The following PIBF1 variants were observed in gnomAD, a reference collection of about 807,000 sequenced individuals.
PIBF1 encodes progesterone-induced-blocking factor 1.
In PIBF1, 90 loss-of-function variants were observed where a neutral mutation model predicts 112.5. The ratio of observed to expected loss-of-function variants is 0.80; its 90% CI spans 0.67 to 0.95. PIBF1 has a LOEUF of 0.95. Ranked by LOEUF, PIBF1 falls within the 40% of genes least tolerant of loss-of-function variation. PIBF1 has a pLI of 0.00. For synonymous variants in PIBF1, 301 were observed against 288.6 expected (o/e 1.04, Z -0.44); for missense variants, 915 against 852.3 (o/e 1.07, Z -0.92).
intron 5 of PIBF1, among the ~76,000 whole-genome samples, chr13:72,817,567 T>C (rs1473206736): frequency 6.6e-6 from 1 of 152,218 alleles, no homozygotes; most frequent in Non-Finnish European, 1.5e-5. Context: ...TACAGAAAAC[T>C]TCCTTAGAGT....
intron 17 of PIBF1, among the ~76,000 whole-genome samples, chr13:73,013,895 C>T (rs2044304637): frequency 6.6e-6 from 1 of 152,044 alleles, no homozygotes. Flanking sequence ...TATGAAAGAA[C>T]AAAACCACCA....
At chr13:72,809,078 T>C (rs1235893440) in intron 5 of PIBF1, among the ~76,000 whole-genome samples, 1 of 151,476 alleles carries the variant, frequency 6.6e-6, no homozygotes, top group Non-Finnish European at 1.5e-5. Context: ...TTATGGATCT[T>C]TCTTATCCAA....
At chr13:72,795,224 A>G in intron 3 of PIBF1, 135 bp from the exon 4 acceptor site, 1 of 629,406 alleles carries the variant, frequency 1.6e-6, no homozygotes, top group South Asian at 1.9e-5. Context: ...GTAAATAAGT[A>G]TTTAGCTGGA....
At chr13:72,915,045 A>G (rs1280980975) in intron 12 of PIBF1, among the ~76,000 whole-genome samples, 1 of 152,226 alleles carries the variant, frequency 6.6e-6, no homozygotes, top group Non-Finnish European at 1.5e-5. Flanking sequence ...TTTTAAAAAT[A>G]CAATATAACA....
At position 72,910,028 on chromosome 13, in the gene PIBF1, T is replaced by C. The variant is rs576275964; in HGVS notation, c.1639+1347T>C. Among the ~76,000 whole-genome samples the C allele has an allele frequency of 2.0e-5, 3 of 152,316 alleles. No homozygotes were observed. In the South Asian group the frequency reaches 6.2e-4, roughly 32 times the overall value. On this transcript the variant is annotated intron_variant, in intron 12 of 17. Coordinates refer to ENST00000326291, the MANE Select transcript of PIBF1 (RefSeq NM_006346.4). ...CCATGGCATTCTTATAAAAATGGGTTTAAACTTCAGTTGAAGTTGAATTTG... is the reference window on the plus strand; with the variant it reads ...CCATGGCATTCTTATAAAAATGGGTCTAAACTTCAGTTGAAGTTGAATTTG...
chr13:72,904,433 C>CTTTTTTTTTTT lies in PIBF1; in HGVS notation c.1489-4083_1489-4073dup, dbSNP rs71099767. On this transcript the variant is annotated intron_variant, in intron 11 of 17. Coordinates refer to ENST00000326291, the MANE Select transcript of PIBF1 (RefSeq NM_006346.4). ...ATTTATCCAAAATATCAAAATATTT[C>CTTTTTTTTTTT]TTTTTTTTTTTTTTTTTTTTTTTTT... 6.2e-3 allele frequency among the ~76,000 whole-genome samples: 225 copies of CTTTTTTTTTTT among 36,550 alleles called. 57 individuals are homozygous for CTTTTTTTTTTT. The highest frequency in any genetic ancestry group is 0.013 in the African/African-American group (112 of 8,916). 24.0% of individuals were successfully genotyped at this position (36,550 alleles called of 152,430 possible). A position where few individuals can be genotyped will look rare whatever the true frequency, so the allele number is the denominator to read the frequency against.
At chr13:72,805,475 A>G (rs746065961) in intron 5 of PIBF1, among the ~76,000 whole-genome samples, 14 of 152,132 alleles carry the variant, frequency 9.2e-5, no homozygotes, top group Non-Finnish European at 1.6e-4. Flanking sequence ...ACATGATCCA[A>G]ATTTTTCATA....
chr13:72,911,140 T>G (rs2138667960), intron 12 of PIBF1, among the ~76,000 whole-genome samples: 1 of 152,074 alleles, frequency 6.6e-6, no homozygotes, highest in African/African-American at 2.4e-5. Flanking sequence ...ATCATGCCTG[T>G]GAATACCCAC....
intron 9 of PIBF1, among the ~76,000 whole-genome samples, chr13:72,850,961 AT>A (rs2038120958): frequency 6.6e-6 from 1 of 152,206 alleles, no homozygotes; most frequent in Admixed American, 6.5e-5. Flanking sequence ...ATACTCCAGC[AT>A]TTCTGAAGAA....
chr13:72,794,586 G>A (rs765058284), intron 3 of PIBF1, among the ~76,000 whole-genome samples: 6 of 152,150 alleles, frequency 3.9e-5, no homozygotes, highest in Non-Finnish European at 8.8e-5. Flanking sequence ...TCTTTCCCAT[G>A]CTGTTCTCAT....
At chr13:72,999,067 TC>T in intron 17 of PIBF1, 72 bp downstream of exon 17, 2 of 1,031,690 alleles carry the variant, frequency 1.9e-6, no homozygotes, top group Non-Finnish European at 2.8e-6. Context: ...GTTAATTTTT[TC>T]CTTTTACATT....
At chr13:72,988,459 G>T (rs1199303609) in intron 16 of PIBF1, among the ~76,000 whole-genome samples, 1 of 152,086 alleles carries the variant, frequency 6.6e-6, no homozygotes, top group Non-Finnish European at 1.5e-5. Context: ...TGCAGTTGCA[G>T]ATATTAATAC....
chr13:72,932,189 C>T (rs1338882387), intron 14 of PIBF1, among the ~76,000 whole-genome samples: 2 of 152,078 alleles, frequency 1.3e-5, no homozygotes, highest in South Asian at 2.1e-4. Context: ...AGCGATCCAC[C>T]TGCCTAGGGC....
At position 72,848,742 on chromosome 13, in the gene PIBF1, G is replaced by A. The variant is rs553148097; in HGVS notation, c.1224-5315G>A. On this transcript the variant is annotated intron_variant, in intron 9 of 17. Coordinates refer to ENST00000326291, the MANE Select transcript of PIBF1 (RefSeq NM_006346.4). Reference sequence around the variant, plus strand: ...AGCTACTCAGGAGGCTGAGCCAGGAGAATGGCATGAACCCGGGAAGCGGAG... The same window carrying A: ...AGCTACTCAGGAGGCTGAGCCAGGAAAATGGCATGAACCCGGGAAGCGGAG... Among the ~76,000 whole-genome samples the A allele has an allele frequency of 2.6e-4, 39 of 151,542 alleles. No homozygotes were observed. The East Asian group carries it at 6.7e-3, about 26-fold the overall frequency.
chr13:72,821,824 G>A, intron 5 of PIBF1, 25 bp from the exon 6 acceptor site: 1 of 1,580,180 alleles, frequency 6.3e-7, no homozygotes, highest in Non-Finnish European at 8.6e-7. Flanking sequence ...AGTCTGAAAT[G>A]TGTTATTATT....
chr13:72,815,704 C>T (rs2036235149), intron 5 of PIBF1, among the ~76,000 whole-genome samples: 1 of 152,104 alleles, frequency 6.6e-6, no homozygotes, highest in African/African-American at 2.4e-5. Flanking sequence ...CTCAGTCTGT[C>T]ATTCAGGCTG....
intron 14 of PIBF1, among the ~76,000 whole-genome samples, chr13:72,953,272 G>C (rs950665825): frequency 6.6e-6 from 1 of 152,174 alleles, no homozygotes; most frequent in African/African-American, 2.4e-5. Context: ...CTGTGCCTCT[G>C]ATGAAAAACA....
chr13:72,930,913 G>T (rs961782451), intron 13 of PIBF1, among the ~76,000 whole-genome samples: 1 of 152,084 alleles, frequency 6.6e-6, no homozygotes, highest in African/African-American at 2.4e-5. Flanking sequence ...TATAGCAAGG[G>T]CTAAAAACCG....
At chr13:72,965,025 G>T (rs1417096101) in intron 14 of PIBF1, among the ~76,000 whole-genome samples, 3 of 152,114 alleles carry the variant, frequency 2.0e-5, no homozygotes, top group Non-Finnish European at 4.4e-5. Flanking sequence ...TCGCGCCACT[G>T]CACTCTAGCC....
Sources: allele counts gnomAD v4.1 joint callset (sites outside exome capture counted in the v4.1 genomes callset), GRCh38; gene constraint gnomAD v4.1.1; transcripts MANE v1.5; gene names NCBI Gene and HGNC (gene_info 2026-07-23, HGNC 2026-07-21).